Variants in OXCT1 observed in about 807,000 individuals in gnomAD.
OXCT1 encodes the protein 3-oxoacid CoA-transferase 1.
Under a neutral mutation model 69.6 loss-of-function variants are expected in OXCT1, and 27 were observed. The ratio of observed to expected loss-of-function variants is 0.39; its 90% CI spans 0.29 to 0.54. The LOEUF is 0.54. Among genes scored for constraint, OXCT1 ranks in the 20% least tolerant of loss-of-function variants. The pLI is 0.72. For synonymous variants in OXCT1, 202 were observed against 217.8 expected (o/e 0.93, Z 0.64); for missense variants, 437 against 650.2 (o/e 0.67, Z 3.57).
chr5:41,803,977 G>C (rs1227985081), intron 9 of OXCT1, among the ~76,000 whole-genome samples: 1 of 152,002 alleles, frequency 6.6e-6, no homozygotes, highest in Non-Finnish European at 1.5e-5. Context: ...TACCTCACCA[G>C]AACTAGTACA....
chr5:41,827,275 G>A (rs562503609), intron 7 of OXCT1, among the ~76,000 whole-genome samples: 7 of 152,142 alleles, frequency 4.6e-5, no homozygotes, highest in African/African-American at 9.6e-5. Context: ...ATAAAGCCTC[G>A]ATATTGTCAG....
intron 13 of OXCT1, among the ~76,000 whole-genome samples, chr5:41,769,560 C>CAAAA (rs1011999912): frequency 7.6e-5 from 7 of 92,422 alleles, no homozygotes; most frequent in African/African-American, 2.8e-4. Context: ...CTATCTCTAC[C>CAAAA]AAAAAAAAAA....
At chr5:41,754,960 C>T (rs1260934489) in intron 14 of OXCT1, among the ~76,000 whole-genome samples, 1 of 152,030 alleles carries the variant, frequency 6.6e-6, no homozygotes, top group African/African-American at 2.4e-5. Context: ...GTATCATATA[C>T]ATTTCTTGTA....
intron 7 of OXCT1, among the ~76,000 whole-genome samples, chr5:41,836,597 G>C (rs1353845264): frequency 6.6e-6 from 1 of 152,078 alleles, no homozygotes. Context: ...ACGTGGTTTT[G>C]GGATGAAACT....
intron 1 of OXCT1, among the ~76,000 whole-genome samples, chr5:41,869,638 GAC>G (rs1750182218): frequency 6.6e-6 from 1 of 152,322 alleles, no homozygotes; most frequent in African/African-American, 2.4e-5. Flanking sequence ...GCGGGCCAGG[GAC>G]ACACCTCGGA....
At chr5:41,866,310 T>C (rs1749974091) in intron 1 of OXCT1, among the ~76,000 whole-genome samples, 1 of 152,226 alleles carries the variant, frequency 6.6e-6, no homozygotes, top group Non-Finnish European at 1.5e-5. Context: ...TGTAGCAAAT[T>C]AACCCAGGTG....
chr5:41,739,584 G>T, intron 15 of OXCT1, 93 bp from the exon 16 acceptor site: 1 of 920,984 alleles, frequency 1.1e-6, no homozygotes, highest in South Asian at 1.3e-5. Context: ...AGTTCGACGA[G>T]GTCGGGTGTG....
chr5:41,822,412 T>C (rs1227814933), intron 7 of OXCT1, among the ~76,000 whole-genome samples: 2 of 152,176 alleles, frequency 1.3e-5, no homozygotes, highest in African/African-American at 2.4e-5. Context: ...CTAGCCCTCT[T>C]TATCCCTAAT....
intron 15 of OXCT1, among the ~76,000 whole-genome samples, chr5:41,744,833 T>G (rs373511492): frequency 6.6e-6 from 1 of 152,172 alleles, no homozygotes; most frequent in South Asian, 2.1e-4. Context: ...AGAAGGCCAT[T>G]ACATAATGGT....
intron 7 of OXCT1, among the ~76,000 whole-genome samples, chr5:41,817,947 A>G (rs1470171056): frequency 2.0e-5 from 3 of 152,358 alleles, no homozygotes; most frequent in Middle Eastern, 6.8e-3. Flanking sequence ...GCCATCAGGA[A>G]GAACCACTGA....
chr5:41,805,776 C>G lies in OXCT1; in HGVS notation c.841-95G>C, dbSNP rs980727757. The G allele has an allele frequency of 3.7e-6, 3 of 814,000 alleles. No homozygotes were observed. The African/African-American group carries it at 5.0e-5, about 14-fold the overall frequency. The allele number at this position is 814,000 out of a possible 1,614,324, so 50.4% of individuals were successfully genotyped here. A position where few individuals can be genotyped will look rare whatever the true frequency, so the allele number is the denominator to read the frequency against. ...ATTTTACTGGAAAAAAAGATGAGCTCTCTCCCATTGTTATGAGACAAATCT... is the reference window on the plus strand; with the variant it reads ...ATTTTACTGGAAAAAAAGATGAGCTGTCTCCCATTGTTATGAGACAAATCT... On this transcript the variant is annotated intron_variant, in intron 8 of 16. Coordinates refer to ENST00000196371, the MANE Select transcript of OXCT1 (RefSeq NM_000436.4).
chr5:41,861,428 C>A, intron 2 of OXCT1, 24 bp from the exon 3 acceptor site: 3 of 1,377,344 alleles, frequency 2.2e-6, no homozygotes, highest in Middle Eastern at 1.8e-4. Context: ...AAAAAATAAA[C>A]AATTTGTAAA....
At chr5:41,793,969 C>A in intron 13 of OXCT1, 34 bp downstream of exon 13, 1 of 1,254,866 alleles carries the variant, frequency 8.0e-7, no homozygotes, top group Non-Finnish European at 1.2e-6. Context: ...TATTCTGATC[C>A]AAACATAATT....
intron 5 of OXCT1, among the ~76,000 whole-genome samples, chr5:41,844,805 T>C (rs1240409416): frequency 2.0e-5 from 3 of 152,010 alleles, no homozygotes; most frequent in Non-Finnish European, 4.4e-5. Context: ...GGCTCTACCA[T>C]GAACATAACA....
intron 14 of OXCT1, among the ~76,000 whole-genome samples, chr5:41,754,787 A>G (rs1743978436): frequency 6.6e-6 from 1 of 152,096 alleles, no homozygotes; most frequent in Admixed American, 6.5e-5. Flanking sequence ...GCTATTACAA[A>G]TGATATGTGG....
At chr5:41,814,871 A>G (rs189590248) in intron 7 of OXCT1, among the ~76,000 whole-genome samples, 93 of 152,208 alleles carry the variant, frequency 6.1e-4, no homozygotes, top group Non-Finnish European at 1.0e-3. Flanking sequence ...AACTTAAAGT[A>G]TAATAATAAA....
intron 14 of OXCT1, among the ~76,000 whole-genome samples, chr5:41,760,158 C>A (rs951372219): frequency 6.6e-6 from 1 of 151,970 alleles, no homozygotes; most frequent in African/African-American, 2.4e-5. Flanking sequence ...AACCATGAGT[C>A]CAGGTGAACA....
intron 10 of OXCT1, among the ~76,000 whole-genome samples, chr5:41,802,382 C>A (rs933449506): frequency 6.6e-6 from 1 of 151,880 alleles, no homozygotes; most frequent in Non-Finnish European, 1.5e-5. Flanking sequence ...AAATGTCATA[C>A]AGGAAGTAAA....
intron 7 of OXCT1, among the ~76,000 whole-genome samples, chr5:41,815,135 C>CT (rs1747176854): frequency 6.6e-6 from 1 of 151,934 alleles, no homozygotes. Flanking sequence ...TATATTAAAT[C>CT]TTTATATTAT....
Sources: allele counts gnomAD v4.1 joint callset (sites outside exome capture counted in the v4.1 genomes callset), GRCh38; gene constraint gnomAD v4.1.1; transcripts MANE v1.5; gene names NCBI Gene and HGNC (gene_info 2026-07-23, HGNC 2026-07-21).